The following ACAT1 variants were observed in gnomAD, a reference collection of about 807,000 sequenced individuals.
The protein encoded by ACAT1 is acetyl-CoA acetyltransferase, mitochondrial.
Under a neutral mutation model 47.3 loss-of-function variants are expected in ACAT1, and 28 were observed. The ratio of observed to expected loss-of-function variants is 0.59; its 90% confidence interval spans 0.44 to 0.81. The LOEUF is 0.81. Among genes scored for constraint, ACAT1 ranks in the 30% least tolerant of loss-of-function variants. The pLI is 0.00. For missense variants in ACAT1, 469 were observed against 524.3 expected (o/e 0.89, Z 1.03); for synonymous variants, 181 against 173.6 (o/e 1.04, Z -0.34).
chr11:108,139,197 A>G (rs1670542421), intron 6 of ACAT1, 156 bp downstream of exon 6: 1 of 945,016 alleles, frequency 1.1e-6, no homozygotes, highest in Non-Finnish European at 1.6e-6. Context: ...TGCCTATTGC[A>G]TCGGCATGGC....
At chr11:108,118,899 G>A (rs2077106578), upstream of ACAT1, among the ~76,000 whole-genome samples, 2 of 152,182 alleles carry the variant, frequency 1.3e-5, no homozygotes, top group Non-Finnish European at 2.9e-5. Context: ...TAGTGCCTCT[G>A]ATGGCAGAAT....
At chr11:108,117,349 C>T (rs1227991234), upstream of ACAT1, among the ~76,000 whole-genome samples, 6 of 150,972 alleles carry the variant, frequency 4.0e-5, no homozygotes, top group Middle Eastern at 3.2e-3. Flanking sequence ...GCTCTGTCGC[C>T]CAGGCTGGAG....
At chr11:108,139,374 T>G (rs61913679) in intron 6 of ACAT1, among the ~76,000 whole-genome samples, 16,284 of 152,076 alleles carry the variant, frequency 0.11, 1,234 homozygotes, top group Non-Finnish European at 0.15. Flanking sequence ...GTGGATCACC[T>G]GGGGTCAGGA....
chr11:108,144,195 G>GT, intron 10 of ACAT1, 148 bp downstream of exon 10: 2 of 803,582 alleles, frequency 2.5e-6, no homozygotes, highest in Non-Finnish European at 4.1e-6. Flanking sequence ...CCTGAAAAGA[G>GT]TAAGAGCAAC....
chr11:108,132,038 A>T, intron 2 of ACAT1, 84 bp downstream of exon 2: 1 of 857,866 alleles, frequency 1.2e-6, no homozygotes, highest in Non-Finnish European at 1.9e-6. Context: ...ATTTGGATAC[A>T]TGTGAAAGTC....
chr11:108,143,965 C>CA lies in ACAT1; in HGVS notation c.941-18_941-17insA. 8.6e-7 allele frequency: 1 copy of CA among 1,156,916 alleles called. No individual in the cohort carries two copies. Among genetic ancestry groups the CA allele is most frequent in the Non-Finnish European group, 1.2e-6 (1 of 808,884 alleles). The allele number at this position is 1,156,916 out of a possible 1,614,324, so 71.7% of individuals were successfully genotyped here. A position where few individuals can be genotyped will look rare whatever the true frequency, so the allele number is the denominator to read the frequency against. ...AAAAAAAGATTTTAACAACCCCCCCCCCCCTTTTTTTAAACAGCATTTGCT... is the reference window on the plus strand; with the variant it reads ...AAAAAAAGATTTTAACAACCCCCCCCACCCCTTTTTTTAAACAGCATTTGCT... On this transcript the variant is annotated splice_polypyrimidine_tract_variant and intron_variant, in intron 9 of 11. Transcript: ENST00000265838.
At position 108,134,202 on chromosome 11, in the gene ACAT1, T is replaced by C; in HGVS notation, c.239-19T>C. 9.0e-7 allele frequency: 1 copy of C among 1,111,724 alleles called. No homozygotes were observed. Among genetic ancestry groups the C allele is most frequent in the Non-Finnish European group, 1.2e-6 (1 of 800,400 alleles). 68.9% of individuals were successfully genotyped at this position (1,111,724 alleles called of 1,614,324 possible). On this transcript the variant is annotated intron_variant, in intron 3 of 11. Transcript: ENST00000265838. Reference sequence around the variant, plus strand: ...AATTGAATTAAATGCCTTTTTGACTTTTTTTTTTTTTAATAAAGGGATTCC... The same window carrying C: ...AATTGAATTAAATGCCTTTTTGACTCTTTTTTTTTTTAATAAAGGGATTCC...
chr11:108,121,770 CGGCCCGGG>C (rs2077154281), intron 1 of ACAT1, 92 bp downstream of exon 1: 2 of 1,429,426 alleles, frequency 1.4e-6, no homozygotes, highest in Non-Finnish European at 1.9e-6. Context: ...GCGGCTCCCG[CGGCCCGGG>C]CGCGCGGCTT....
chr11:108,131,458 TCTC>T (rs1469028843), intron 1 of ACAT1, among the ~76,000 whole-genome samples: 13 of 149,630 alleles, frequency 8.7e-5, no homozygotes, highest in Non-Finnish European at 1.3e-4. Context: ...TTCAAGCTAT[TCTC>T]CTGCCTCAGC....
In ACAT1 at chr11:108,135,123, T is replaced by C; in HGVS notation, c.335-19T>C. ...TGTTTGAGTATCGGTTTTTCAAAAG[T>C]GACTTATATTGGTTTTAGGCTTACC... On this transcript the variant is annotated intron_variant, in intron 4 of 11. Transcript: ENST00000265838. 1 of 1,579,382 alleles carries C rather than the reference T, an allele frequency of 6.3e-7. No homozygotes were observed. The highest frequency in any genetic ancestry group is 1.1e-5 in the South Asian group (1 of 90,232).
chr11:108,140,003 A>G, intron 6 of ACAT1, 62 bp from the exon 7 acceptor site: 1 of 1,544,710 alleles, frequency 6.5e-7, no homozygotes, highest in South Asian at 1.2e-5. Context: ...AGTTAGGCAA[A>G]GTTAATAGAT....
chr11:108,116,851 G>A (rs910124002), upstream of ACAT1, among the ~76,000 whole-genome samples: 1 of 152,144 alleles, frequency 6.6e-6, no homozygotes, highest in Non-Finnish European at 1.5e-5. Context: ...AGAACCCACA[G>A]AAAGAACCAA....
upstream of ACAT1, among the ~76,000 whole-genome samples, chr11:108,119,600 ATTTC>A (rs754460026): frequency 6.6e-6 from 1 of 151,916 alleles, no homozygotes; most frequent in Non-Finnish European, 1.5e-5. Context: ...TTTCTGAGTC[ATTTC>A]TTTAACAATT....
chr11:108,136,893 G>A (rs2077478531), intron 5 of ACAT1: 1 of 152,064 alleles, frequency 6.6e-6, no homozygotes, highest in South Asian at 2.1e-4. Context: ...GATATTATTG[G>A]CTTTATGTTT....
chr11:108,140,256 G>A lies in ACAT1; in HGVS notation c.730+41G>A, dbSNP rs1190822548. The A allele has an allele frequency of 2.5e-6, 4 of 1,608,194 alleles. No individual in the cohort carries two copies. The South Asian group carries it at 4.4e-5, about 18-fold the overall frequency. On this transcript the variant is annotated intron_variant, in intron 7 of 11. Coordinates refer to ENST00000265838, the MANE Select transcript of ACAT1 (RefSeq NM_000019.4). ...CAAAAAGGATGAATAGACTTTTCAT[G>A]TTGCTGAATGTTTTATGCTTAAGTT...
At chr11:108,123,278 G>GA (rs1409444220) in intron 1 of ACAT1, among the ~76,000 whole-genome samples, 1 of 152,002 alleles carries the variant, frequency 6.6e-6, no homozygotes, top group African/African-American at 2.4e-5. Flanking sequence ...TACTCCTCAT[G>GA]AAAAAAATAA....
rs757128075 is a variant in ACAT1, at chr11:108,133,870, C to A, written c.171C>A (p.Gly57=). The change falls in exon 3 of 12, where the codon GGC becomes GGA. Residue 57 remains glycine (G), a synonymous_variant. Transcript: ENST00000265838. ...ATRTPIGSFL[G]SLSLLPATKL... ...GAACACCCATTGGATCTTTTTTAGG[C>A]AGCCTTTCCTTGCTGCCAGCCACTA... 3.7e-6 allele frequency: 6 copies of A among 1,613,992 alleles called. No homozygotes were observed. The East Asian group carries it at 1.1e-4, about 30-fold the overall frequency.
intron 4 of ACAT1, 197 bp downstream of exon 4, chr11:108,134,513 C>T: frequency 2.5e-6 from 1 of 406,852 alleles, no homozygotes. Context: ...TGTGGTGGTG[C>T]ACTAATCCCA....
chr11:108,134,969 G>A (rs1219335298), intron 4 of ACAT1, among the ~76,000 whole-genome samples, 173 bp from the exon 5 acceptor site: 5 of 126,906 alleles, frequency 3.9e-5, no homozygotes, highest in Non-Finnish European at 6.8e-5. Flanking sequence ...AAAAAAAAAA[G>A]TATAAAATGG....
Sources: gnomAD v4.1 joint callset for allele counts (sites outside exome capture counted in the v4.1 genomes callset) on GRCh38, gnomAD v4.1.1 for gene constraint, MANE v1.5 for transcripts, NCBI Gene and HGNC (gene_info 2026-07-23, HGNC 2026-07-21) for gene names.